Variants in PCDH15 observed in about 807,000 individuals in gnomAD.
PCDH15 encodes the protein protocadherin-15.
Under a neutral mutation model 178.5 loss-of-function variants are expected in PCDH15, and 129 were observed. That is an observed-to-expected ratio of 0.72 (90% confidence interval 0.63 to 0.84). The LOEUF (loss-of-function observed/expected upper bound fraction) is 0.84, where lower values mean the gene tolerates loss of function less well. PCDH15 is among the 40% of genes least tolerant of loss of function. PCDH15 has a pLI of 0.00. For missense variants in PCDH15, 2,230 were observed against 2,099.9 expected (o/e 1.06, Z -1.21); for synonymous variants, 800 against 732.0 (o/e 1.09, Z -1.50).
chr10:54,421,706 ACACAC>A (rs1565230091), intron 3 of PCDH15, among the ~76,000 whole-genome samples: 14 of 134,124 alleles, frequency 1.0e-4, no homozygotes, highest in African/African-American at 4.0e-4. Flanking sequence ...ACACACACAC[ACACAC>A]TATATATATT....
intron 2 of PCDH15, among the ~76,000 whole-genome samples, chr10:55,394,636 T>C (rs1428416643): frequency 6.6e-6 from 1 of 151,686 alleles, no homozygotes; most frequent in Non-Finnish European, 1.5e-5. Flanking sequence ...TAAAATTAGA[T>C]GTTTATCTCC....
chr10:54,112,366 A>G (rs1590534642), intron 15 of PCDH15, among the ~76,000 whole-genome samples: 1 of 151,526 alleles, frequency 6.6e-6, no homozygotes, highest in East Asian at 1.9e-4. Flanking sequence ...GTCATGATAA[A>G]CAAAAATGTC....
chr10:55,383,513 C>A (rs760342441), intron 2 of PCDH15, among the ~76,000 whole-genome samples: 12 of 152,180 alleles, frequency 7.9e-5, no homozygotes, highest in Non-Finnish European at 1.6e-4. Context: ...CCTCTTTTAC[C>A]CCCTATTTCC....
chr10:55,098,892 CAATG>C (rs1365729867), intron 2 of PCDH15, among the ~76,000 whole-genome samples: 1 of 57,344 alleles, frequency 1.7e-5, no homozygotes, highest in Non-Finnish European at 3.2e-5. Context: ...ATTAAAACTT[CAATG>C]AGAGAGAGAG....
intron 14 of PCDH15, among the ~76,000 whole-genome samples, chr10:54,144,640 CCTT>C (rs2043733334): frequency 6.6e-6 from 1 of 152,168 alleles, no homozygotes; most frequent in Non-Finnish European, 1.5e-5. Flanking sequence ...CCAATTAAAG[CCTT>C]CTTCCTTGCC....
At chr10:55,320,333 C>A (rs1843855929), upstream of PCDH15, among the ~76,000 whole-genome samples, 1 of 151,690 alleles carries the variant, frequency 6.6e-6, no homozygotes, top group Admixed American at 6.6e-5. Flanking sequence ...CCCCCTCCAA[C>A]CCCACTCCAA....
At chr10:55,408,223 T>A (rs1393722808) in intron 2 of PCDH15, among the ~76,000 whole-genome samples, 1 of 151,598 alleles carries the variant, frequency 6.6e-6, no homozygotes, top group East Asian at 1.9e-4. Flanking sequence ...ATCTCACTTG[T>A]CACTGAGGCT....
intron 26 of PCDH15, among the ~76,000 whole-genome samples, chr10:53,895,698 G>GA (rs1325658542): frequency 6.6e-6 from 1 of 152,078 alleles, no homozygotes; most frequent in East Asian, 1.9e-4. Flanking sequence ...CAATAAACTG[G>GA]AAAAATTAGT....
In PCDH15 at chr10:54,821,511, T is replaced by C. The variant is rs114410523; in HGVS notation, c.-29+75939A>G. ...AGCTACGTTTTTAAAAGTTGGCACA[T>C]ACCAAGAAAATCACAATATATAGAA... On this transcript the variant is annotated intron_variant, in intron 3 of 5. Transcript: ENST00000458638. 1.8e-3 allele frequency among the ~76,000 whole-genome samples: 275 copies of C among 152,170 alleles called. 1 individual carries two copies. Among genetic ancestry groups the C allele is most frequent in the African/African-American group, 6.2e-3 (259 of 41,550 alleles).
intron 2 of PCDH15, among the ~76,000 whole-genome samples, chr10:55,013,984 T>G (rs1456794543): frequency 6.6e-6 from 1 of 152,104 alleles, no homozygotes; most frequent in Non-Finnish European, 1.5e-5. Flanking sequence ...GAAGTTTCTT[T>G]TAGTTTCTAG....
At chr10:54,414,093 C>T (rs1388543759) in intron 3 of PCDH15, among the ~76,000 whole-genome samples, 1 of 152,050 alleles carries the variant, frequency 6.6e-6, no homozygotes, top group African/African-American at 2.4e-5. Flanking sequence ...AAATAAAACA[C>T]TACAAAAGAA....
At chr10:55,096,814 AT>A (rs1377648938) in intron 2 of PCDH15, among the ~76,000 whole-genome samples, 1 of 152,126 alleles carries the variant, frequency 6.6e-6, no homozygotes, top group Non-Finnish European at 1.5e-5. Context: ...GTAAAAATTT[AT>A]TCATTTGGAT....
At position 53,840,404 on chromosome 10, in the gene PCDH15, AGGG is replaced by A; in HGVS notation, c.3896_3898del (p.Ser1299del). The A allele has an allele frequency of 1.2e-6, 2 of 1,614,090 alleles. No homozygotes were observed. Among genetic ancestry groups the A allele is most frequent in the Non-Finnish European group, 1.7e-6 (2 of 1,179,944 alleles). On this transcript the variant is annotated inframe_deletion, in exon 29 of 38. Coordinates refer to ENST00000644397, the MANE Select transcript of PCDH15 (RefSeq NM_001384140.1). ...CAAGTCACATTTGGTGTAATCTTCTAGGGAAAAGGCATCTCCATGCCGGCGAGC... is the reference window on the plus strand; with the variant it reads ...CAAGTCACATTTGGTGTAATCTTCTAAAAAGGCATCTCCATGCCGGCGAGC...
intron 2 of PCDH15, among the ~76,000 whole-genome samples, chr10:55,014,739 T>C (rs1454214725): frequency 6.6e-6 from 1 of 152,188 alleles, no homozygotes; most frequent in Non-Finnish European, 1.5e-5. Flanking sequence ...ATCAGATACC[T>C]TACCAGAGAC....
chr10:54,045,934 A>G (rs977971080), intron 18 of PCDH15, among the ~76,000 whole-genome samples: 1 of 152,146 alleles, frequency 6.6e-6, no homozygotes, highest in Non-Finnish European at 1.5e-5. Flanking sequence ...AACATATATA[A>G]CAAAGGAGGG....
chr10:55,300,135 C>T (rs1843236923), intron 1 of PCDH15, among the ~76,000 whole-genome samples: 1 of 152,084 alleles, frequency 6.6e-6, no homozygotes, highest in Non-Finnish European at 1.5e-5. Context: ...TTACCACTTC[C>T]ACTTGTTATC....
chr10:55,221,502 G>A (rs1840873700), intron 1 of PCDH15, among the ~76,000 whole-genome samples: 1 of 152,054 alleles, frequency 6.6e-6, no homozygotes, highest in Non-Finnish European at 1.5e-5. Flanking sequence ...ACCATGGCTA[G>A]ACAAATAGAA....
intron 7 of PCDH15, among the ~76,000 whole-genome samples, chr10:54,317,797 A>G (rs2061371455): frequency 6.6e-6 from 1 of 151,974 alleles, no homozygotes; most frequent in Admixed American, 6.6e-5. Flanking sequence ...AAAAGAAATT[A>G]GGCACAATGT....
chr10:55,219,231 C>A (rs1840798745), intron 1 of PCDH15, among the ~76,000 whole-genome samples: 1 of 151,882 alleles, frequency 6.6e-6, no homozygotes, highest in African/African-American at 2.4e-5. Context: ...TTCTCTATTT[C>A]TAACGTGGCT....
Sources: gnomAD v4.1 joint callset for allele counts (sites outside exome capture counted in the v4.1 genomes callset) on GRCh38, gnomAD v4.1.1 for gene constraint, MANE v1.5 for transcripts, NCBI Gene and HGNC (gene_info 2026-07-23, HGNC 2026-07-21) for gene names.